Variants in NOX3 observed in about 807,000 individuals in gnomAD.
NOX3 encodes the protein NADPH oxidase catalytic subunit-like 3.
Under a neutral mutation model 76.7 loss-of-function variants are expected in NOX3, and 74 were observed. The ratio of observed to expected loss-of-function variants is 0.96; its 90% confidence interval spans 0.80 to 1.17. The LOEUF (loss-of-function observed/expected upper bound fraction) is 1.17, where lower values mean the gene tolerates loss of function less well. Among genes scored for constraint, NOX3 ranks in the 50% most tolerant of loss-of-function variants. The probability of loss-of-function intolerance (pLI) is 0.00; values close to 1 mark genes in which losing one functional copy is unlikely to be tolerated. For synonymous variants in NOX3, 263 were observed against 261.1 expected (o/e 1.01, Z -0.07); for missense variants, 695 against 703.3 (o/e 0.99, Z 0.13).
intron 11 of NOX3, among the ~76,000 whole-genome samples, chr6:155,410,183 T>C (rs1170189963): frequency 4.6e-5 from 7 of 152,228 alleles, no homozygotes; most frequent in African/African-American, 1.7e-4. Flanking sequence ...GGATTAAATA[T>C]TTAAGAAGGA....
At chr6:155,424,618 A>G (rs986248674) in intron 9 of NOX3, among the ~76,000 whole-genome samples, 2 of 152,254 alleles carry the variant, frequency 1.3e-5, no homozygotes, top group Non-Finnish European at 2.9e-5. Context: ...AGACTTCCTA[A>G]TAATTCAAAT....
chr6:155,443,189 C>G (rs1777016656), intron 5 of NOX3, 84 bp downstream of exon 5: 1 of 1,307,622 alleles, frequency 7.6e-7, no homozygotes, highest in Non-Finnish European at 1.0e-6. Context: ...TTATTAAAAG[C>G]TTTTCAATAT....
chr6:155,419,212 C>T (rs1235873317), intron 10 of NOX3, among the ~76,000 whole-genome samples: 2 of 152,206 alleles, frequency 1.3e-5, no homozygotes, highest in Non-Finnish European at 2.9e-5. Context: ...CACAAAGTTG[C>T]TTTAAAAGAG....
chr6:155,424,101 T>C (rs1776727058), intron 9 of NOX3, among the ~76,000 whole-genome samples: 1 of 152,192 alleles, frequency 6.6e-6, no homozygotes, highest in African/African-American at 2.4e-5. Flanking sequence ...TGGTAGGTCT[T>C]ATCCCAATCA....
chr6:155,428,981 C>T lies in NOX3; in HGVS notation c.958G>A (p.Gly320Arg), dbSNP rs761832091. 6.2e-7 allele frequency: 1 copy of T among 1,613,146 alleles called. No homozygotes were observed. Among genetic ancestry groups the T allele is most frequent in the African/African-American group, 1.3e-5 (1 of 75,008 alleles). Reference sequence around the variant, plus strand: ...GGGCACTGCACCAAGATGTACTGCCCTGGCGCCATTTTAAAGCCACGCTTT... The same window carrying T: ...GGGCACTGCACCAAGATGTACTGCCTTGGCGCCATTTTAAAGCCACGCTTT... ...MKKRGFKMAP[G>R]QYILVQCPAI... The change falls in exon 9 of 14, where the codon GGG becomes AGG. Residue 320 changes from glycine to arginine, a missense_variant. Transcript: ENST00000159060.
At chr6:155,437,816 A>G (rs922769920) in intron 6 of NOX3, among the ~76,000 whole-genome samples, 2 of 152,228 alleles carry the variant, frequency 1.3e-5, no homozygotes, top group Non-Finnish European at 2.9e-5. Flanking sequence ...CCATAATAGG[A>G]AGATTAGTGG....
intron 10 of NOX3, among the ~76,000 whole-genome samples, chr6:155,416,601 G>C (rs1341765867): frequency 6.6e-6 from 1 of 152,130 alleles, no homozygotes; most frequent in Non-Finnish European, 1.5e-5. Context: ...GACATTTTCT[G>C]AATGTGATTA....
intron 4 of NOX3, among the ~76,000 whole-genome samples, chr6:155,449,940 G>A (rs987124519): frequency 2.0e-5 from 3 of 152,246 alleles, no homozygotes. Flanking sequence ...CCAAGGCTTA[G>A]CATTTTTTTT....
intron 4 of NOX3, 108 bp downstream of exon 4, chr6:155,453,296 G>A (rs143530894): frequency 2.3e-6 from 2 of 864,522 alleles, no homozygotes; most frequent in African/African-American, 1.7e-5. Flanking sequence ...AAAGGGCAAA[G>A]TTTTCTTTTA....
In NOX3 at chr6:155,403,070, G is replaced by C. The variant is rs932277415; in HGVS notation, c.1580+4060C>G. On this transcript the variant is annotated intron_variant, in intron 12 of 13. Transcript: ENST00000159060. ...GAAAATTAATGTTACTTTGTCCTTT[G>C]TGCAGAACAGTAATTGGATTGTGTG... 2.9e-4 allele frequency among the ~76,000 whole-genome samples: 44 copies of C among 152,158 alleles called. 2 individuals carry two copies.
intron 5 of NOX3, among the ~76,000 whole-genome samples, chr6:155,440,653 A>G (rs577281887): frequency 4.2e-4 from 64 of 151,146 alleles, no homozygotes; most frequent in Non-Finnish European, 3.8e-4. Context: ...AAACAACAAC[A>G]ACAATAACAA....
intron 8 of NOX3, 60 bp downstream of exon 8, chr6:155,430,783 C>T: frequency 8.8e-7 from 1 of 1,136,054 alleles, no homozygotes; most frequent in South Asian, 1.3e-5. Context: ...AAAATTTGGG[C>T]TAATAAAAAA....
chr6:155,408,954 G>T (rs2294672), intron 11 of NOX3, among the ~76,000 whole-genome samples: 5,575 of 151,530 alleles, frequency 0.037, 197 homozygotes, highest in African/African-American at 0.084. Flanking sequence ...GCTCCAAAAG[G>T]GGGGGAGGGT....
chr6:155,453,111 G>A (rs1777168298), intron 4 of NOX3, among the ~76,000 whole-genome samples: 1 of 152,142 alleles, frequency 6.6e-6, no homozygotes, highest in African/African-American at 2.4e-5. Flanking sequence ...GAATAACAAA[G>A]TGTCCCTTTT....
intron 7 of NOX3, among the ~76,000 whole-genome samples, chr6:155,436,093 C>T (rs916407836): frequency 2.0e-5 from 3 of 152,104 alleles, no homozygotes; most frequent in African/African-American, 7.2e-5. Context: ...GGACAGGTGG[C>T]TAAGGATGCA....
chr6:155,435,931 T>C (rs996976524), intron 7 of NOX3, among the ~76,000 whole-genome samples: 8 of 152,342 alleles, frequency 5.3e-5, no homozygotes, highest in Admixed American at 3.9e-4. Flanking sequence ...AAGAAGTAAA[T>C]GCGTTTGACA....
At chr6:155,403,912 G>A (rs938787845) in intron 12 of NOX3, among the ~76,000 whole-genome samples, 47 of 151,728 alleles carry the variant, frequency 3.1e-4, no homozygotes, top group African/African-American at 1.1e-3. Context: ...AGCTTTGTGT[G>A]TAAAAATAAA....
At chr6:155,397,532 T>C (rs1028208901) in intron 12 of NOX3, among the ~76,000 whole-genome samples, 4 of 152,178 alleles carry the variant, frequency 2.6e-5, no homozygotes, top group Non-Finnish European at 5.9e-5. Context: ...CAGTGGACAA[T>C]CAACACACAT....
intron 10 of NOX3, among the ~76,000 whole-genome samples, chr6:155,417,019 G>A (rs1441954629): frequency 6.6e-6 from 1 of 151,950 alleles, no homozygotes; most frequent in Admixed American, 6.6e-5. Flanking sequence ...CCAAAATGCT[G>A]GGATTGCAGG....
Sources: allele counts gnomAD v4.1 joint callset (sites outside exome capture counted in the v4.1 genomes callset), GRCh38; gene constraint gnomAD v4.1.1; transcripts MANE v1.5; gene names NCBI Gene and HGNC (gene_info 2026-07-23, HGNC 2026-07-21).